TNFRSF10D: variants seen among roughly 807,000 people sequenced by gnomAD.
TNFRSF10D encodes TNF receptor superfamily member 10d, also known as tumor necrosis factor receptor superfamily member 10D.
In TNFRSF10D, 28 loss-of-function variants were observed where a neutral mutation model predicts 42.1. That is an observed-to-expected ratio of 0.66 (90% CI 0.49 to 0.91). The LOEUF is 0.91. Ranked by LOEUF, TNFRSF10D falls within the 40% of genes least tolerant of loss-of-function variation. The probability of loss-of-function intolerance (pLI) is 0.00; values close to 1 mark genes in which losing one functional copy is unlikely to be tolerated. For synonymous variants in TNFRSF10D, 186 were observed against 189.4 expected (o/e 0.98, Z 0.15); for missense variants, 503 against 486.1 (o/e 1.03, Z -0.33).
chr8:23,160,495 A>C (rs1409390121), intron 1 of TNFRSF10D, among the ~76,000 whole-genome samples: 34 of 152,230 alleles, frequency 2.2e-4, no homozygotes, highest in Non-Finnish European at 4.4e-5. Context: ...GAAGGTGAGG[A>C]CAAAAATGCT....
intron 8 of TNFRSF10D, 37 bp from the exon 9 acceptor site, chr8:23,138,040 C>A (rs372650985): frequency 2.5e-6 from 4 of 1,612,034 alleles, no homozygotes; most frequent in East Asian, 4.5e-5. Context: ...CTCAATGCTC[C>A]AAGGACGATC....
intron 1 of TNFRSF10D, 24 bp from the exon 2 acceptor site, chr8:23,155,003 G>C (rs1254724435): frequency 5.7e-6 from 9 of 1,571,342 alleles, no homozygotes; most frequent in Non-Finnish European, 8.7e-7. Flanking sequence ...GCAGAGATGG[G>C]CTTGAGTGGC....
chr8:23,138,187 C>A lies in TNFRSF10D; in HGVS notation c.1027+1G>T, dbSNP rs201583725. 2.5e-6 allele frequency: 4 copies of A among 1,614,144 alleles called. No individual in the cohort carries two copies. Among genetic ancestry groups the A allele is most frequent in the Non-Finnish European group, 3.4e-6 (4 of 1,180,064 alleles). Reference sequence around the variant, plus strand: ...TGCGTCTCAAGGCACAAAACACTTACTGTCAGCGGAGTCAGCGTCATTCAC... The same window carrying A: ...TGCGTCTCAAGGCACAAAACACTTAATGTCAGCGGAGTCAGCGTCATTCAC... On this transcript the variant is annotated splice_donor_variant, in intron 8 of 8. Coordinates refer to ENST00000312584, the MANE Select transcript of TNFRSF10D (RefSeq NM_003840.5). LOFTEE classifies it high-confidence loss of function.
chr8:23,138,358 C>G (rs1028378334), intron 7 of TNFRSF10D, 98 bp from the exon 8 acceptor site: 10 of 1,311,098 alleles, frequency 7.6e-6, no homozygotes, highest in East Asian at 2.3e-5. Context: ...GCAGCGCTTT[C>G]CCTCTTGGGT....
chr8:23,150,821 T>C (rs144211730), intron 2 of TNFRSF10D, among the ~76,000 whole-genome samples: 10 of 151,164 alleles, frequency 6.6e-5, no homozygotes, highest in Non-Finnish European at 1.5e-5. Context: ...AAAGAATCAG[T>C]GAGCTTGAAA....
chr8:23,140,842 G>A (rs1287712378), intron 7 of TNFRSF10D, among the ~76,000 whole-genome samples: 1 of 150,268 alleles, frequency 6.7e-6, no homozygotes, highest in Admixed American at 6.6e-5. Context: ...ATGTGGAACT[G>A]TGAGTCCATT....
Position 23,163,806 on chromosome 8 carries a change from T to C in TNFRSF10D, c.130A>G (p.Ile44Val), listed in dbSNP as rs772525196. 1 of 1,607,010 alleles carries C rather than the reference T, an allele frequency of 6.2e-7. No individual in the cohort carries two copies. The highest frequency in any genetic ancestry group is 8.5e-7 in the Non-Finnish European group (1 of 1,178,680). Reference protein sequence around the residue: ...DPKILKFVVFIVAVLLPVRVD... With the variant: ...DPKILKFVVFVVAVLLPVRVD... ...CTCACCGGCAGCAGAACCGCGACGA[T>C]GAAGACGACGAACTTAAGGATCTTG... Residue 44 changes from isoleucine to valine, a missense_variant, in exon 1 of 9, where the codon ATC becomes GTC. By Grantham distance (29) the Ile-to-Val change is conservative (BLOSUM62 3). Transcript: ENST00000312584.
intron 7 of TNFRSF10D, among the ~76,000 whole-genome samples, chr8:23,139,928 G>A (rs373240518): frequency 2.6e-5 from 4 of 151,828 alleles, no homozygotes; most frequent in East Asian, 1.9e-4. Flanking sequence ...GGCGGATCAC[G>A]ATGTCAAGAG....
Position 23,144,765 on chromosome 8 carries a change from TCCAGGACCCCA to T in TNFRSF10D, c.769-141_769-131del, listed in dbSNP as rs1288534025. 17 of 1,164,502 alleles carry T rather than the reference TCCAGGACCCCA, an allele frequency of 1.5e-5. No individual in the cohort carries two copies. The African/African-American group carries it at 2.5e-4, about 17-fold the overall frequency. 72.1% of individuals were successfully genotyped at this position (1,164,502 alleles called of 1,614,324 possible). On this transcript the variant is annotated intron_variant, in intron 6 of 8. Transcript: ENST00000312584. ...CCCCAGGCAGCTGAGGCTCAGCACA[TCCAGGACCCCA>T]TGCTGAGGTGGGTCAGGTGGTCACC...
At chr8:23,155,699 CAA>C (rs909777397) in intron 1 of TNFRSF10D, among the ~76,000 whole-genome samples, 2 of 132,064 alleles carry the variant, frequency 1.5e-5, no homozygotes, top group Admixed American at 7.7e-5. Flanking sequence ...GACTCTGTCT[CAA>C]AAAAAAAAAC....
At chr8:23,140,125 TA>T (rs1198848587) in intron 7 of TNFRSF10D, among the ~76,000 whole-genome samples, 3 of 152,000 alleles carry the variant, frequency 2.0e-5, no homozygotes, top group Non-Finnish European at 4.4e-5. Context: ...CCACCTCTAC[TA>T]AAAATACAAA....
intron 3 of TNFRSF10D, among the ~76,000 whole-genome samples, chr8:23,147,908 A>C (rs1023889549): frequency 1.3e-5 from 2 of 151,108 alleles, no homozygotes; most frequent in Admixed American, 6.6e-5. Context: ...TAAAAATACA[A>C]AAAAAAATTA....
intron 2 of TNFRSF10D, 43 bp downstream of exon 2, chr8:23,154,831 C>A (rs1015261508): frequency 6.5e-7 from 1 of 1,545,512 alleles, no homozygotes; most frequent in African/African-American, 1.4e-5. Flanking sequence ...CAATGTTTAT[C>A]TGTCAACTAA....
chr8:23,151,234 G>C (rs1800208626), intron 2 of TNFRSF10D, among the ~76,000 whole-genome samples: 1 of 152,084 alleles, frequency 6.6e-6, no homozygotes, highest in South Asian at 2.1e-4. Flanking sequence ...CAGGCCAGGA[G>C]AGAGTGGAAT....
At chr8:23,161,785 G>A (rs534831275) in intron 1 of TNFRSF10D, among the ~76,000 whole-genome samples, 11 of 152,228 alleles carry the variant, frequency 7.2e-5, no homozygotes, top group Non-Finnish European at 1.6e-4. Flanking sequence ...TGAACTAGGT[G>A]TGAGTGTAAG....
At position 23,137,758 on chromosome 8, in the gene TNFRSF10D, T is replaced by C; in HGVS notation, c.*112A>G. Reference sequence around the variant, plus strand: ...CATTGGTAAGCTGCCCCATATTGGATAGTAGAGTTTGTTGGGGCATGGGTC... The same window carrying C: ...CATTGGTAAGCTGCCCCATATTGGACAGTAGAGTTTGTTGGGGCATGGGTC... On this transcript the variant is annotated 3_prime_UTR_variant, in exon 9 of 9. Coordinates refer to ENST00000312584, the MANE Select transcript of TNFRSF10D (RefSeq NM_003840.5). 1.4e-6 allele frequency: 2 copies of C among 1,389,812 alleles called. No homozygotes were observed. The highest frequency in any genetic ancestry group is 9.8e-7 in the Non-Finnish European group (1 of 1,024,976). The allele number at this position is 1,389,812 out of a possible 1,614,324, so 86.1% of individuals were successfully genotyped here.
intron 1 of TNFRSF10D, 138 bp downstream of exon 1, chr8:23,163,648 C>G: frequency 7.4e-7 from 1 of 1,354,204 alleles, no homozygotes; most frequent in Non-Finnish European, 9.9e-7. Context: ...CTGACTCCGA[C>G]GGCGGGTTCG....
intron 1 of TNFRSF10D, among the ~76,000 whole-genome samples, chr8:23,157,170 C>G (rs1304125130): frequency 6.6e-6 from 1 of 152,152 alleles, no homozygotes; most frequent in African/African-American, 2.4e-5. Context: ...CAGAAAGGAA[C>G]TGCATACCCT....
rs930931055 is a variant in TNFRSF10D at position 23,136,443 on chromosome 8, G to A, written c.*1427C>T. On this transcript the variant is annotated 3_prime_UTR_variant, in exon 9 of 9. Coordinates refer to ENST00000312584, the MANE Select transcript of TNFRSF10D (RefSeq NM_003840.5). ...ACTCAGTTCACAGACCACCAGAAGC[G>A]AGAGGGGCCCATCCATGCCTGAGTC... is the stretch of plus-strand genomic sequence containing the variant. The A allele has an allele frequency of 1.1e-5, 2 of 175,918 alleles. No homozygotes were observed. Among genetic ancestry groups the A allele is most frequent in the South Asian group, 1.2e-4 (1 of 8,438 alleles). 10.9% of individuals were successfully genotyped at this position (175,918 alleles called of 1,614,324 possible).
Sources: gnomAD v4.1 joint callset for allele counts (sites outside exome capture counted in the v4.1 genomes callset) on GRCh38, gnomAD v4.1.1 for gene constraint, MANE v1.5 for transcripts, NCBI Gene and HGNC (gene_info 2026-07-23, HGNC 2026-07-21) for gene names.